IQSEC1: variants seen among roughly 807,000 people sequenced by gnomAD.
IQSEC1 encodes the protein IQ motif and SEC7 domain-containing protein 1.
IQSEC1 carries 31 observed loss-of-function variants against 91.0 expected under a neutral mutation model. The observed-to-expected ratio is 0.34, with a 90% CI of 0.26 to 0.46. IQSEC1 has a LOEUF of 0.46. Among genes scored for constraint, IQSEC1 ranks in the 20% least tolerant of loss-of-function variants. The probability of loss-of-function intolerance (pLI) is 1.00; values close to 1 mark genes in which losing one functional copy is unlikely to be tolerated. For synonymous variants in IQSEC1, 699 were observed against 662.6 expected (o/e 1.05, Z -0.84); for missense variants, 1,388 against 1,575.6 (o/e 0.88, Z 2.02).
At chr3:13,125,317 T>A (rs1227757051) in intron 2 of IQSEC1, among the ~76,000 whole-genome samples, 1 of 152,148 alleles carries the variant, frequency 6.6e-6, no homozygotes, top group Non-Finnish European at 1.5e-5. Flanking sequence ...CAGAGAAACC[T>A]TCCCTGACCT....
At chr3:13,275,394 A>G (rs1397672418) in intron 1 of IQSEC1, among the ~76,000 whole-genome samples, 2 of 152,076 alleles carry the variant, frequency 1.3e-5, no homozygotes, top group Non-Finnish European at 2.9e-5. Context: ...GCTCCCTAAA[A>G]CTGATACCTG....
chr3:13,248,560 A>G (rs1695143919), intron 1 of IQSEC1, among the ~76,000 whole-genome samples: 2 of 152,320 alleles, frequency 1.3e-5, no homozygotes, highest in East Asian at 3.9e-4. Flanking sequence ...CTTCTCCAGG[A>G]GGCCATTCCT....
intron 1 of IQSEC1, among the ~76,000 whole-genome samples, chr3:13,024,843 T>A (rs937299012): frequency 6.6e-6 from 1 of 152,200 alleles, no homozygotes; most frequent in Non-Finnish European, 1.5e-5. Context: ...CACTCCTTAC[T>A]CATCTTTGAC....
chr3:13,246,250 C>A (rs1695106503), intron 1 of IQSEC1, among the ~76,000 whole-genome samples: 1 of 152,168 alleles, frequency 6.6e-6, no homozygotes, highest in South Asian at 2.1e-4. Flanking sequence ...GTAAAACAAG[C>A]CGATCACCAA....
chr3:13,076,915 T>C (rs954517600), upstream of IQSEC1, among the ~76,000 whole-genome samples: 8 of 152,164 alleles, frequency 5.3e-5, no homozygotes, highest in African/African-American at 1.9e-4. Flanking sequence ...CTGTTTGGAG[T>C]GGATCCTTCC....
At chr3:12,945,203 T>C (rs553917630) in intron 1 of IQSEC1, among the ~76,000 whole-genome samples, 1 of 152,148 alleles carries the variant, frequency 6.6e-6, no homozygotes, top group Non-Finnish European at 1.5e-5. Flanking sequence ...CAGGGTATCT[T>C]TGGGGATAGG....
In IQSEC1 at chr3:13,165,535, G is replaced by GGTGTGTGTGT. The variant is rs1470204790; in HGVS notation, c.273-1403_273-1402insACACACACAC. Among the ~76,000 whole-genome samples, 89 of 89,024 alleles carry GGTGTGTGTGT rather than the reference G, an allele frequency of 1.0e-3. 3 individuals are homozygous for GGTGTGTGTGT. The highest frequency in any genetic ancestry group is 2.9e-3 in the African/African-American group (62 of 21,602). The allele number at this position is 89,024 out of a possible 152,430, so 58.4% of individuals were successfully genotyped here. A position where few individuals can be genotyped will look rare whatever the true frequency, so the allele number is the denominator to read the frequency against. Reference sequence around the variant, plus strand: ...GCGGGGGGGTGGGGGGTGGGGGGGTGGCGTGTGTGTGTGTGTGTGTGTGTG... The same window carrying GGTGTGTGTGT: ...GCGGGGGGGTGGGGGGTGGGGGGGTGGTGTGTGTGTGCGTGTGTGTGTGTGTGTGTGTGTG... On this transcript the variant is annotated intron_variant, in intron 1 of 15. Transcript: ENST00000648114.
intron 2 of IQSEC1, among the ~76,000 whole-genome samples, chr3:13,160,489 C>A (rs1344892802): frequency 2.6e-5 from 4 of 152,180 alleles, no homozygotes; most frequent in African/African-American, 9.7e-5. Flanking sequence ...TTAGCACAAG[C>A]CATGAGCTCT....
intron 3 of IQSEC1, among the ~76,000 whole-genome samples, chr3:12,934,748 A>T (rs1455298669): frequency 6.6e-6 from 1 of 152,082 alleles, no homozygotes; most frequent in Non-Finnish European, 1.5e-5. Context: ...GTCTGCTTTA[A>T]ATACCCATCG....
intron 1 of IQSEC1, among the ~76,000 whole-genome samples, chr3:13,068,881 C>A (rs1705323298): frequency 6.6e-6 from 1 of 152,226 alleles, no homozygotes; most frequent in Non-Finnish European, 1.5e-5. Context: ...CTATCTTCTT[C>A]ATTTCTCTGT....
At chr3:13,227,122 T>C (rs1046923432) in intron 1 of IQSEC1, among the ~76,000 whole-genome samples, 1 of 151,312 alleles carries the variant, frequency 6.6e-6, no homozygotes, top group Non-Finnish European at 1.5e-5. Flanking sequence ...ACGCCTGTAA[T>C]CCCAGCACTT....
intron 2 of IQSEC1, among the ~76,000 whole-genome samples, chr3:13,084,129 G>T (rs186967157): frequency 8.9e-4 from 136 of 152,304 alleles, no homozygotes; most frequent in Middle Eastern, 3.4e-3. Flanking sequence ...AAAAAGAAGA[G>T]AACTCAGCTG....
Position 12,900,662 on chromosome 3 carries a change from G to A in IQSEC1, c.*321C>T, listed in dbSNP as rs1559593586. 7.9e-7 allele frequency: 1 copy of A among 1,267,378 alleles called. No homozygotes were observed. The highest frequency in any genetic ancestry group is 1.0e-6 in the Non-Finnish European group (1 of 1,001,716). The allele number at this position is 1,267,378 out of a possible 1,614,324, so 78.5% of individuals were successfully genotyped here. On this transcript the variant is annotated 3_prime_UTR_variant, in exon 14 of 14. Coordinates refer to ENST00000613206, the MANE Select transcript of IQSEC1 (RefSeq NM_001134382.3). Reference sequence around the variant, plus strand: ...CATATGCATGTACATTAGGGCACAGGGAGCTGAGAGCTGGAGTGGGGGAGG... The same window carrying A: ...CATATGCATGTACATTAGGGCACAGAGAGCTGAGAGCTGGAGTGGGGGAGG...
intron 1 of IQSEC1, among the ~76,000 whole-genome samples, chr3:13,219,260 T>C (rs1163174114): frequency 1.3e-5 from 2 of 152,162 alleles, no homozygotes; most frequent in Non-Finnish European, 2.9e-5. Context: ...TGACACCTGC[T>C]CCCAAGTTCA....
intron 1 of IQSEC1, among the ~76,000 whole-genome samples, chr3:13,070,239 G>A (rs922678654): frequency 6.6e-6 from 1 of 152,240 alleles, no homozygotes; most frequent in Non-Finnish European, 1.5e-5. Flanking sequence ...TGTACGGCAG[G>A]AAACAGCTGT....
At chr3:13,160,172 C>G (rs1304217765) in intron 2 of IQSEC1, among the ~76,000 whole-genome samples, 2 of 152,176 alleles carry the variant, frequency 1.3e-5, no homozygotes, top group Non-Finnish European at 2.9e-5. Flanking sequence ...TGCAAAAGCA[C>G]TTCCCTGCTG....
At chr3:13,197,211 C>A (rs1169562828) in intron 1 of IQSEC1, among the ~76,000 whole-genome samples, 1 of 152,248 alleles carries the variant, frequency 6.6e-6, no homozygotes, top group African/African-American at 2.4e-5. Context: ...TGAACCATGT[C>A]TTCCTTCACT....
At chr3:13,071,322 G>T (rs1705418242) in intron 1 of IQSEC1, among the ~76,000 whole-genome samples, 1 of 152,094 alleles carries the variant, frequency 6.6e-6, no homozygotes. Flanking sequence ...CCCAGACAAG[G>T]CCTTTGTGAG....
rs57779493 is a variant in IQSEC1 at position 13,266,652 on chromosome 3, C to A, written c.272+16059G>T. 8.9e-3 allele frequency among the ~76,000 whole-genome samples: 1,353 copies of A among 152,064 alleles called. 18 individuals are homozygous for A. Among genetic ancestry groups the A allele is most frequent in the African/African-American group, 0.031 (1,280 of 41,454 alleles). On this transcript the variant is annotated intron_variant, in intron 1 of 15. Coordinates refer to the IQSEC1 transcript ENST00000648114. ...GAGAAATACGGAAAACCGCTGAAGC[C>A]GTCACCTTAAGAAGAAACCAAAAGC...
Sources: gnomAD v4.1 joint callset for allele counts (sites outside exome capture counted in the v4.1 genomes callset) on GRCh38, gnomAD v4.1.1 for gene constraint, MANE v1.5 for transcripts, NCBI Gene and HGNC (gene_info 2026-07-23, HGNC 2026-07-21) for gene names.